The following CTDSPL variants were observed in gnomAD, a reference collection of about 807,000 sequenced individuals.
CTDSPL encodes the protein CTD small phosphatase like, also known as CTD small phosphatase-like protein.
In CTDSPL, 8 loss-of-function variants were observed where a neutral mutation model predicts 30.5. That is an observed-to-expected ratio of 0.26 (90% CI 0.15 to 0.47). CTDSPL has a LOEUF of 0.47. CTDSPL is among the 20% of genes least tolerant of loss of function. CTDSPL has a pLI of 0.99. For missense variants in CTDSPL, 248 were observed against 366.1 expected, an observed-to-expected ratio of 0.68 and a Z score of 2.63; for synonymous variants, 110 against 137.9, an observed-to-expected ratio of 0.80 and a Z score of 1.42.
At chr3:37,873,755 G>A (rs1172262901) in intron 1 of CTDSPL, among the ~76,000 whole-genome samples, 1 of 152,188 alleles carries the variant, frequency 6.6e-6, no homozygotes, top group Non-Finnish European at 1.5e-5. Flanking sequence ...GTCAAATTCA[G>A]TTAGTGCTTT....
chr3:37,862,144 C>CATGGACG lies in CTDSPL; in HGVS notation c.-56_-55insATGGACG. On this transcript the variant is annotated 5_prime_UTR_variant, in exon 1 of 8. It adds an upstream start codon to the 5' untranslated region. Transcript: ENST00000273179. This position sits in a 1 kb window ranked among gnomAD's most constrained non-coding sequence, Gnocchi z 4.3. ...CCCCGCGCCCCCCGCGCCGCGCCCC[C>CATGGACG]GCGCGCTTGGCTTGCGGGGGGCCGG... 1 of 928,426 alleles carries CATGGACG rather than the reference C, an allele frequency of 1.1e-6. No homozygotes were observed. Among genetic ancestry groups the CATGGACG allele is most frequent in the Non-Finnish European group, 1.3e-6 (1 of 781,416 alleles). The allele number at this position is 928,426 out of a possible 1,614,324, so 57.5% of individuals were successfully genotyped here.
At chr3:37,908,043 G>A (rs1393993815) in intron 1 of CTDSPL, among the ~76,000 whole-genome samples, 1 of 152,214 alleles carries the variant, frequency 6.6e-6, no homozygotes, top group African/African-American at 2.4e-5. Context: ...CAGTTTGCAT[G>A]GGCTTCCCCA....
At chr3:37,877,691 C>T (rs149082438) in intron 1 of CTDSPL, among the ~76,000 whole-genome samples, 33 of 137,984 alleles carry the variant, frequency 2.4e-4, no homozygotes, top group Admixed American at 1.2e-3. Context: ...TATAAAGAAA[C>T]ACATTTTATT....
At chr3:37,896,691 A>AC (rs557861752) in intron 1 of CTDSPL, among the ~76,000 whole-genome samples, 6 of 151,962 alleles carry the variant, frequency 3.9e-5, no homozygotes, top group Non-Finnish European at 8.8e-5. Context: ...GTCACATACC[A>AC]CCACACCTAG....
At chr3:37,904,093 A>G (rs542183161) in intron 1 of CTDSPL, among the ~76,000 whole-genome samples, 2 of 152,352 alleles carry the variant, frequency 1.3e-5, no homozygotes, top group African/African-American at 2.4e-5. Flanking sequence ...AAATCGTAAC[A>G]TGAAGAATTC....
chr3:37,889,564 G>A (rs1308123829), intron 1 of CTDSPL, among the ~76,000 whole-genome samples: 1 of 152,102 alleles, frequency 6.6e-6, no homozygotes, highest in Non-Finnish European at 1.5e-5. Flanking sequence ...GGAGAACACA[G>A]AAAAGAGAGA....
chr3:37,958,494 C>A (rs980936582), intron 3 of CTDSPL, among the ~76,000 whole-genome samples: 3 of 152,258 alleles, frequency 2.0e-5, no homozygotes, highest in Admixed American at 2.0e-4. Context: ...TAGCATCTCT[C>A]CTTCCACCTT....
chr3:37,889,698 A>C (rs769246166), intron 1 of CTDSPL, among the ~76,000 whole-genome samples: 1 of 152,234 alleles, frequency 6.6e-6, no homozygotes, highest in Non-Finnish European at 1.5e-5. Flanking sequence ...AGCCACACCT[A>C]GGCACATTAT....
chr3:37,905,173 C>A (rs1698499495), intron 1 of CTDSPL, among the ~76,000 whole-genome samples: 1 of 152,228 alleles, frequency 6.6e-6, no homozygotes, highest in Admixed American at 6.5e-5. Flanking sequence ...ACAGAGCTAT[C>A]ATGCTAATAT....
At position 37,971,063 on chromosome 3, in the gene CTDSPL, G is replaced by A. The variant is rs373066094; in HGVS notation, c.427-344G>A. ...ACACAGGTCCTGACCCTCAGCAGGT[G>A]CCAAGAAACACACGTGAAATGAATG... On this transcript the variant is annotated intron_variant, in intron 5 of 7. Transcript: ENST00000273179. Among the ~76,000 whole-genome samples, 283 of 152,310 alleles carry A rather than the reference G, an allele frequency of 1.9e-3. 9 individuals are homozygous for A. In the South Asian group the frequency reaches 0.05, roughly 27 times the overall value.
At chr3:37,947,638 A>G (rs962995882) in intron 2 of CTDSPL, among the ~76,000 whole-genome samples, 1 of 152,254 alleles carries the variant, frequency 6.6e-6, no homozygotes, top group Non-Finnish European at 1.5e-5. Flanking sequence ...AATTACCAAG[A>G]AAAGTAACCT....
In CTDSPL at chr3:37,971,400, A is replaced by G. The variant is rs2125633635; in HGVS notation, c.427-7A>G. 1.2e-6 allele frequency: 2 copies of G among 1,613,426 alleles called. No individual in the cohort carries two copies. The highest frequency in any genetic ancestry group is 1.3e-5 in the African/African-American group (1 of 75,048). ...TCTGACCAGCCTGCTGTCTCCTGCCATTGCAGGTGTATGTGCTGAAGCGGC... is the reference window on the plus strand; with the variant it reads ...TCTGACCAGCCTGCTGTCTCCTGCCGTTGCAGGTGTATGTGCTGAAGCGGC... On this transcript the variant is annotated splice_region_variant and splice_polypyrimidine_tract_variant and intron_variant, in intron 5 of 7. Transcript: ENST00000273179.
At chr3:37,878,648 A>C (rs1698166050) in intron 1 of CTDSPL, among the ~76,000 whole-genome samples, 1 of 152,248 alleles carries the variant, frequency 6.6e-6, no homozygotes, top group African/African-American at 2.4e-5. Context: ...GCGTTGGACA[A>C]TCTGTCAGAG....
At position 37,862,347 on chromosome 3, in the gene CTDSPL, C is replaced by G. The variant is rs948237243; in HGVS notation, c.79+69C>G. The G allele has an allele frequency of 2.2e-5, 29 of 1,327,446 alleles. No individual in the cohort carries two copies. Among genetic ancestry groups the G allele is most frequent in the Middle Eastern group, 2.8e-4 (1 of 3,574 alleles). 82.2% of individuals were successfully genotyped at this position (1,327,446 alleles called of 1,614,324 possible). ...ACCCCGCGCCGCTGGAGTTCACTGC[C>G]GGGCGCCGGCATGGGCCTGGGGGAG... On this transcript the variant is annotated intron_variant, in intron 1 of 7. Transcript: ENST00000273179. This position sits in a 1 kb window ranked among gnomAD's most constrained non-coding sequence, Gnocchi z 4.3.
At chr3:37,885,834 C>A (rs1314772267) in intron 1 of CTDSPL, among the ~76,000 whole-genome samples, 2 of 152,124 alleles carry the variant, frequency 1.3e-5, no homozygotes, top group Non-Finnish European at 2.9e-5. Context: ...GCAGGTTTTC[C>A]AAAGGAAATG....
intron 5 of CTDSPL, among the ~76,000 whole-genome samples, chr3:37,968,822 T>C (rs1458667366): frequency 6.6e-6 from 1 of 152,196 alleles, no homozygotes; most frequent in Non-Finnish European, 1.5e-5. Context: ...AAGGGGTTGG[T>C]TAAAGGTCAT....
chr3:37,892,057 A>G (rs1698334380), intron 1 of CTDSPL, among the ~76,000 whole-genome samples: 1 of 152,192 alleles, frequency 6.6e-6, no homozygotes, highest in African/African-American at 2.4e-5. Flanking sequence ...CCACATTTTC[A>G]GGAATATTCT....
At chr3:37,866,960 T>G (rs1698017234) in intron 1 of CTDSPL, among the ~76,000 whole-genome samples, 1 of 152,254 alleles carries the variant, frequency 6.6e-6, no homozygotes, top group African/African-American at 2.4e-5. Flanking sequence ...AGACTTTCTA[T>G]GCCCTCTACC....
chr3:37,925,088 T>C (rs1219461294), intron 1 of CTDSPL, among the ~76,000 whole-genome samples: 1 of 152,144 alleles, frequency 6.6e-6, no homozygotes, highest in Non-Finnish European at 1.5e-5. Flanking sequence ...CATTTCTCCC[T>C]CATAAACATC....
Sources: gnomAD v4.1 joint callset for allele counts (sites outside exome capture counted in the v4.1 genomes callset) on GRCh38, gnomAD v4.1.1 for gene constraint, Gnocchi (gnomAD v3.1) non-coding constraint, MANE v1.5 for transcripts, NCBI Gene and HGNC (gene_info 2026-07-23, HGNC 2026-07-21) for gene names.